The following SNX29 variants were observed in gnomAD, a reference collection of about 807,000 sequenced individuals.
SNX29 encodes the protein sorting nexin-29.
In SNX29, 78 loss-of-function variants were observed where a neutral mutation model predicts 102.1. The ratio of observed to expected loss-of-function variants is 0.76; its 90% CI spans 0.64 to 0.92. SNX29 has a LOEUF of 0.92. Among genes scored for constraint, SNX29 ranks in the 40% least tolerant of loss-of-function variants. SNX29 has a pLI of 0.00. For synonymous variants in SNX29, 580 were observed against 414.5 expected, an observed-to-expected ratio of 1.40 and a Z score of -4.85; for missense variants, 1,280 against 1,061.7, an observed-to-expected ratio of 1.21 and a Z score of -2.86.
chr16:12,023,788 A>G (rs1043190051), intron 3 of SNX29, among the ~76,000 whole-genome samples: 1 of 152,114 alleles, frequency 6.6e-6, no homozygotes, highest in Admixed American at 6.6e-5. Context: ...ACCAGAAGCT[A>G]AAGAGTAGAT....
At chr16:12,491,336 C>T (rs1597589291) in intron 19 of SNX29, among the ~76,000 whole-genome samples, 1 of 152,220 alleles carries the variant, frequency 6.6e-6, no homozygotes, top group African/African-American at 2.4e-5. Context: ...ACTTGCCTAG[C>T]TCTTGCCAAA....
chr16:12,115,428 T>A lies in SNX29; in HGVS notation c.1403-11205T>A, dbSNP rs566787093. On this transcript the variant is annotated intron_variant, in intron 11 of 20. Transcript: ENST00000566228. ...CTCTGACCAGAGAAATTCAGGGGAGTTTTTGCTGCCTCTACTGTATAGCCC... is the reference window on the plus strand; with the variant it reads ...CTCTGACCAGAGAAATTCAGGGGAGATTTTGCTGCCTCTACTGTATAGCCC... 1.5e-4 allele frequency among the ~76,000 whole-genome samples: 22 copies of A among 147,622 alleles called. No homozygotes were observed. The South Asian group carries it at 2.4e-3, about 16-fold the overall frequency.
intron 13 of SNX29, among the ~76,000 whole-genome samples, chr16:12,137,431 G>A (rs1303521465): frequency 6.6e-6 from 1 of 152,176 alleles, no homozygotes; most frequent in Non-Finnish European, 1.5e-5. Flanking sequence ...AGCCCTGCCT[G>A]CCCAGTGTGT....
At chr16:12,340,634 T>A (rs1368651002) in intron 15 of SNX29, among the ~76,000 whole-genome samples, 1 of 152,176 alleles carries the variant, frequency 6.6e-6, no homozygotes. Context: ...AACTTGCACC[T>A]GGTGGCCAGG....
chr16:12,243,980 G>A (rs761848045), intron 14 of SNX29, among the ~76,000 whole-genome samples: 4 of 152,210 alleles, frequency 2.6e-5, no homozygotes, highest in Non-Finnish European at 4.4e-5. Flanking sequence ...TCTACTGGTG[G>A]TGGGGGTGGT....
intron 18 of SNX29, among the ~76,000 whole-genome samples, chr16:12,421,666 C>A (rs2084875853): frequency 6.6e-6 from 1 of 152,168 alleles, no homozygotes; most frequent in African/African-American, 2.4e-5. Context: ...ATTATAGCTG[C>A]TGCCACTGCT....
At chr16:12,441,046 C>A (rs1238991794) in intron 18 of SNX29, among the ~76,000 whole-genome samples, 1 of 150,722 alleles carries the variant, frequency 6.6e-6, no homozygotes, top group Non-Finnish European at 1.5e-5. Flanking sequence ...GCGTAATATC[C>A]TCAAGTTTCA....
At chr16:12,562,255 A>G (rs1011142250) in intron 20 of SNX29, among the ~76,000 whole-genome samples, 3 of 152,152 alleles carry the variant, frequency 2.0e-5, no homozygotes, top group Non-Finnish European at 4.4e-5. Flanking sequence ...GGCATTCACT[A>G]AGCAGCATCC....
At chr16:12,114,512 G>C (rs1427274031) in intron 11 of SNX29, among the ~76,000 whole-genome samples, 1 of 151,990 alleles carries the variant, frequency 6.6e-6, no homozygotes, top group Non-Finnish European at 1.5e-5. Flanking sequence ...TATCACTGTG[G>C]TTATGGGTTC....
chr16:12,545,103 A>G (rs919431459), intron 20 of SNX29, among the ~76,000 whole-genome samples: 5 of 152,178 alleles, frequency 3.3e-5, no homozygotes, highest in Non-Finnish European at 7.3e-5. Flanking sequence ...CCCAGGCTGC[A>G]GTAGCCAGCT....
At chr16:12,326,840 G>A (rs1328024544) in intron 15 of SNX29, among the ~76,000 whole-genome samples, 3 of 152,352 alleles carry the variant, frequency 2.0e-5, no homozygotes, top group African/African-American at 7.2e-5. Context: ...GGCCTTGCGG[G>A]AGGTGTGAGG....
At chr16:11,978,512 G>T (rs531577977) in intron 1 of SNX29, among the ~76,000 whole-genome samples, 1 of 152,160 alleles carries the variant, frequency 6.6e-6, no homozygotes, top group African/African-American at 2.4e-5. Flanking sequence ...TGAATATCAC[G>T]AGGTGCATTG....
At chr16:12,001,731 A>G (rs2056295127) in intron 2 of SNX29, among the ~76,000 whole-genome samples, 1 of 152,188 alleles carries the variant, frequency 6.6e-6, no homozygotes, top group Non-Finnish European at 1.5e-5. Flanking sequence ...AAGAAAAGAC[A>G]AGTAGGCCAG....
Position 12,403,469 on chromosome 16 carries a change from C to A in SNX29, c.1977C>A (p.Asn659Lys), listed in dbSNP as rs367875213. Residue 659 changes from asparagine (N) to lysine (K), a missense_variant, in exon 18 of 21, where the codon AAC (asparagine) becomes AAA (lysine). Transcript: ENST00000566228. ...DFEISNRALI[N>K]VWIPSVFLRG... ...TTAGATCAAACCGGGCGCTGATCAA[C>A]GTCTGGATCCCCTCAGTGTTTCTCC... is the stretch of plus-strand genomic sequence containing the variant. The A allele has an allele frequency of 1.9e-6, 3 of 1,608,874 alleles. No homozygotes were observed. In the South Asian group the frequency reaches 3.4e-5, roughly 18 times the overall value.
intron 20 of SNX29, among the ~76,000 whole-genome samples, chr16:12,535,969 C>T (rs781226285): frequency 4.6e-5 from 7 of 152,068 alleles, no homozygotes; most frequent in Non-Finnish European, 8.8e-5. Flanking sequence ...GCTTTGACCC[C>T]GGCTGAGAAA....
At chr16:12,177,777 TTCAA>T (rs1432424363) in intron 13 of SNX29, among the ~76,000 whole-genome samples, 2 of 152,356 alleles carry the variant, frequency 1.3e-5, no homozygotes, top group East Asian at 3.9e-4. Context: ...CAGTGTTAAC[TTCAA>T]TCAGTCAATA....
chr16:12,568,185 T>TG (rs2079092643), intron 20 of SNX29, among the ~76,000 whole-genome samples: 1 of 151,872 alleles, frequency 6.6e-6, no homozygotes, highest in Non-Finnish European at 1.5e-5. Flanking sequence ...AAGGAAAATG[T>TG]GGGGAAGAAA....
At chr16:12,195,649 A>G (rs1055317337) in intron 13 of SNX29, among the ~76,000 whole-genome samples, 1 of 152,142 alleles carries the variant, frequency 6.6e-6, no homozygotes. Flanking sequence ...TTCTCACGCA[A>G]TTTTTCAAGG....
At position 12,023,541 on chromosome 16, in the gene SNX29, G is replaced by A. The variant is rs371148458; in HGVS notation, c.123-3779G>A. Among the ~76,000 whole-genome samples, 22 of 147,740 alleles carry A rather than the reference G, an allele frequency of 1.5e-4. No individual in the cohort carries two copies. The East Asian group carries it at 2.9e-3, about 20-fold the overall frequency. ...TGCAGTGAGCTATGATCACACCACC[G>A]CACTCCAGCCTGGGTAACAGAGCAA... On this transcript the variant is annotated intron_variant, in intron 3 of 20. Coordinates refer to ENST00000566228, the MANE Select transcript of SNX29 (RefSeq NM_032167.5).
Sources: gnomAD v4.1 joint callset for allele counts (sites outside exome capture counted in the v4.1 genomes callset) on GRCh38, gnomAD v4.1.1 for gene constraint, MANE v1.5 for transcripts, NCBI Gene and HGNC (gene_info 2026-07-23, HGNC 2026-07-21) for gene names.